CYP2C18: variants seen among roughly 807,000 people sequenced by gnomAD.
The protein encoded by CYP2C18 is cytochrome P450 family 2 subfamily C member 18.
A neutral mutation model predicts 41.3 loss-of-function variants in CYP2C18; 38 were observed. That is an observed-to-expected ratio of 0.92 (90% CI 0.71 to 1.21). The LOEUF (loss-of-function observed/expected upper bound fraction) is 1.21, where lower values mean the gene tolerates loss of function less well. Ranked by LOEUF, CYP2C18 falls within the 50% of genes most tolerant of loss-of-function variation. The probability of loss-of-function intolerance (pLI) is 0.00; values close to 1 mark genes in which losing one functional copy is unlikely to be tolerated. For synonymous variants in CYP2C18, 236 were observed against 210.0 expected, an observed-to-expected ratio of 1.12 and a Z score of -1.07; for missense variants, 635 against 591.4, an observed-to-expected ratio of 1.07 and a Z score of -0.77.
chr10:94,696,404 C>G (rs7077277), intron 4 of CYP2C18, among the ~76,000 whole-genome samples: 30,632 of 152,116 alleles, frequency 0.2, 3,285 homozygotes, highest in Middle Eastern at 0.23. Context: ...CTCCAACAGA[C>G]CTGCAGCTGA....
chr10:94,687,945 G>A lies in CYP2C18; in HGVS notation c.331+13G>A, dbSNP rs1466950882. 2 of 1,612,412 alleles carry A rather than the reference G, an allele frequency of 1.2e-6. No individual in the cohort carries two copies. Among genetic ancestry groups the A allele is most frequent in the East Asian group, 2.2e-5 (1 of 44,874 alleles). ...AACAAAGGACTTGGTAAATGTGCAT[G>A]TATCGTGTGTATGTGTACATGTGTA... On this transcript the variant is annotated intron_variant, in intron 2 of 8. Transcript: ENST00000285979.
At chr10:94,728,696 TC>T (rs1219140071) in intron 7 of CYP2C18, 1 of 627,846 alleles carries the variant, frequency 1.6e-6, no homozygotes, top group African/African-American at 2.0e-5. Flanking sequence ...AGATCAGACC[TC>T]CATTTTAAAA....
At chr10:94,685,292 T>A (rs914884504) in intron 1 of CYP2C18, among the ~76,000 whole-genome samples, 21 of 152,222 alleles carry the variant, frequency 1.4e-4, no homozygotes, top group African/African-American at 5.1e-4. Context: ...CCTTTGTCTC[T>A]CAAAGTGCTG....
At chr10:94,690,749 T>G (rs1846982892) in intron 3 of CYP2C18, among the ~76,000 whole-genome samples, 2 of 152,170 alleles carry the variant, frequency 1.3e-5, no homozygotes, top group Non-Finnish European at 1.5e-5. Flanking sequence ...CCAATATCCT[T>G]GGTGAACATT....
chr10:94,735,456 T>C lies in CYP2C18; in HGVS notation c.*12T>C, dbSNP rs1186249491. 1.9e-6 allele frequency: 3 copies of C among 1,613,058 alleles called. No homozygotes were observed. Among genetic ancestry groups the C allele is most frequent in the Admixed American group, 1.7e-5 (1 of 59,924 alleles). ...TCATTCCTGTCTGAAGAAGGGCAGATAGTTTGGCTGCTCCTGTGCTGTCAC... is the reference window on the plus strand; with the variant it reads ...TCATTCCTGTCTGAAGAAGGGCAGACAGTTTGGCTGCTCCTGTGCTGTCAC... On this transcript the variant is annotated 3_prime_UTR_variant, in exon 9 of 9. Transcript: ENST00000285979.
chr10:94,711,848 T>A lies in CYP2C18; in HGVS notation c.819+4888T>A, dbSNP rs75632514. Reference sequence around the variant, plus strand: ...ACTTTTTTTTTTCTGAATTTTATTCTTTTTTGTTTTAGAGGCAGAATCTTG... The same window carrying A: ...ACTTTTTTTTTTCTGAATTTTATTCATTTTTGTTTTAGAGGCAGAATCTTG... On this transcript the variant is annotated intron_variant, in intron 5 of 8. Transcript: ENST00000285979. Among the ~76,000 whole-genome samples, 746 of 152,070 alleles carry A rather than the reference T, an allele frequency of 4.9e-3. 17 individuals are homozygous for A. Among genetic ancestry groups the A allele is most frequent in the East Asian group, 0.037 (189 of 5,164 alleles).
In CYP2C18 at chr10:94,724,421, C is replaced by G. The variant is rs749096056; in HGVS notation, c.1037C>G (p.Pro346Arg). Residue 346 changes from proline (P) to arginine (R), a missense_variant, in exon 7 of 9, where the codon CCC becomes CGC. Pro to Arg is a moderately radical substitution (Grantham distance 103). Coordinates refer to ENST00000285979, the MANE Select transcript of CYP2C18 (RefSeq NM_000772.3). ...SPCMQDRSHMPYTDAVVHEIQ... is the reference protein window; with the variant it reads ...SPCMQDRSHMRYTDAVVHEIQ... ...TGTATGCAGGACAGGAGTCACATGC[C>G]CTACACAGATGCTGTGGTGCACGAG... 9 of 1,613,492 alleles carry G rather than the reference C, an allele frequency of 5.6e-6. No homozygotes were observed. In the South Asian group the frequency reaches 9.9e-5, roughly 18 times the overall value.
chr10:94,701,524 A>G (rs938834944), intron 4 of CYP2C18, among the ~76,000 whole-genome samples: 1 of 152,164 alleles, frequency 6.6e-6, no homozygotes, highest in Non-Finnish European at 1.5e-5. Context: ...TGTTAAATGA[A>G]GAGTTAATGG....
chr10:94,692,809 G>A (rs1451143509), intron 3 of CYP2C18, among the ~76,000 whole-genome samples: 6 of 152,064 alleles, frequency 3.9e-5, no homozygotes, highest in Non-Finnish European at 7.3e-5. Flanking sequence ...AAGAAAATGT[G>A]GCACATATAC....
chr10:94,697,369 C>T (rs1343639206), intron 4 of CYP2C18, among the ~76,000 whole-genome samples: 1 of 152,048 alleles, frequency 6.6e-6, no homozygotes, highest in African/African-American at 2.4e-5. Flanking sequence ...AATTTCATAT[C>T]CAGCCAAACT....
intron 7 of CYP2C18, among the ~76,000 whole-genome samples, chr10:94,727,730 A>C (rs1847766533): frequency 6.6e-6 from 1 of 152,192 alleles, no homozygotes; most frequent in Non-Finnish European, 1.5e-5. Context: ...ACTATTATGT[A>C]GCATAATATC....
At chr10:94,716,826 G>A (rs746972475) in intron 5 of CYP2C18, among the ~76,000 whole-genome samples, 12 of 152,100 alleles carry the variant, frequency 7.9e-5, no homozygotes, top group South Asian at 4.1e-4. Flanking sequence ...AATTATCTTC[G>A]TAGGTCTCTA....
At chr10:94,727,905 T>C (rs921173523) in intron 7 of CYP2C18, among the ~76,000 whole-genome samples, 1 of 152,142 alleles carries the variant, frequency 6.6e-6, no homozygotes, top group Non-Finnish European at 1.5e-5. Context: ...CTTCAGTATA[T>C]AATTCCCAAA....
At chr10:94,688,433 A>G (rs975316127) in intron 3 of CYP2C18, among the ~76,000 whole-genome samples, 159 bp downstream of exon 3, 1 of 152,170 alleles carries the variant, frequency 6.6e-6, no homozygotes, top group Non-Finnish European at 1.5e-5. Flanking sequence ...TAGGATATGC[A>G]TCACTTTGAG....
rs183718557 is a variant in CYP2C18, at chr10:94,688,828, G to A, written c.481+554G>A. On this transcript the variant is annotated intron_variant, in intron 3 of 8. Coordinates refer to ENST00000285979, the MANE Select transcript of CYP2C18 (RefSeq NM_000772.3). The stretch of plus-strand genomic sequence containing the variant: ...GCAATGTTTTTCCCAAAGTGTAATT[G>A]TGGGTTATCTATTCTAGAACATTTC... Among the ~76,000 whole-genome samples the A allele has an allele frequency of 3.1e-4, 47 of 152,268 alleles. No individual in the cohort carries two copies. The East Asian group carries it at 8.1e-3, about 26-fold the overall frequency.
Position 94,688,192 on chromosome 10 carries a change from T to G in CYP2C18, c.399T>G (p.Asn133Lys), listed in dbSNP as rs769770938. Reference sequence around the variant, plus strand: ...GTTTCTGCCTCATGACTCTGCGGAATTTTGGGATGGGGAAGAGGAGCATCG... The same window carrying G: ...GTTTCTGCCTCATGACTCTGCGGAAGTTTGGGATGGGGAAGAGGAGCATCG... ...IRRFCLMTLR[N>K]FGMGKRSIED... The change falls in exon 3 of 9, where the codon AAT becomes AAG. Residue 133 changes from asparagine (N) to lysine (K), a missense_variant. Physicochemically the swap from Asn to Lys is moderately conservative, Grantham distance 94. Transcript: ENST00000285979. The G allele has an allele frequency of 1.9e-6, 3 of 1,613,544 alleles. No individual in the cohort carries two copies. Among genetic ancestry groups the G allele is most frequent in the Non-Finnish European group, 2.5e-6 (3 of 1,179,788 alleles).
At chr10:94,724,758 A>ATT (rs35134373) in intron 7 of CYP2C18, among the ~76,000 whole-genome samples, 21 of 127,896 alleles carry the variant, frequency 1.6e-4, no homozygotes, top group East Asian at 4.3e-4. Context: ...CTTCTTTAGT[A>ATT]TTTTTTTTTT....
At chr10:94,715,618 A>G (rs1316732684) in intron 5 of CYP2C18, among the ~76,000 whole-genome samples, 2 of 152,164 alleles carry the variant, frequency 1.3e-5, no homozygotes, top group African/African-American at 4.8e-5. Flanking sequence ...ATCGATGTGC[A>G]TCAGGAATTT....
chr10:94,713,327 C>A (rs184596937), intron 5 of CYP2C18, among the ~76,000 whole-genome samples: 1 of 151,932 alleles, frequency 6.6e-6, no homozygotes, highest in African/African-American at 2.4e-5. Flanking sequence ...GCTATCCCTC[C>A]CCGCTCCCCC....
Sources: allele counts gnomAD v4.1 joint callset (sites outside exome capture counted in the v4.1 genomes callset), GRCh38; gene constraint gnomAD v4.1.1; transcripts MANE v1.5; gene names NCBI Gene and HGNC (gene_info 2026-07-23, HGNC 2026-07-21).